Variants in TECR observed in about 807,000 individuals in gnomAD.
The protein encoded by TECR is trans-2,3-enoyl-CoA reductase.
A neutral mutation model predicts 50.6 loss-of-function variants in TECR; 19 were observed. The ratio of observed to expected loss-of-function variants is 0.38; its 90% CI spans 0.26 to 0.55. The LOEUF (loss-of-function observed/expected upper bound fraction) is 0.55. TECR is among the 20% of genes least tolerant of loss of function. The probability of loss-of-function intolerance (pLI) is 0.79; values close to 1 mark genes in which losing one functional copy is unlikely to be tolerated. For missense variants in TECR, 313 were observed against 408.3 expected (o/e 0.77, Z 2.01); for synonymous variants, 168 against 163.5 (o/e 1.03, Z -0.21).
intron 1 of TECR, among the ~76,000 whole-genome samples, chr19:14,554,904 G>C (rs1568419452): frequency 6.6e-6 from 1 of 151,818 alleles, no homozygotes; most frequent in Non-Finnish European, 1.5e-5. Context: ...TCAGCCTCCT[G>C]AGTAGCTGGG....
At chr19:14,542,206 C>T (rs2073117135) in intron 1 of TECR, among the ~76,000 whole-genome samples, 3 of 152,186 alleles carry the variant, frequency 2.0e-5, no homozygotes, top group Admixed American at 6.6e-5. Flanking sequence ...CTCAAGTGAT[C>T]CTCCTGCCTT....
chr19:14,556,254 G>A (rs2073717579), intron 1 of TECR, among the ~76,000 whole-genome samples: 1 of 152,046 alleles, frequency 6.6e-6, no homozygotes, highest in Non-Finnish European at 1.5e-5. Context: ...TGCCTGGACT[G>A]CACTGGTTCC....
rs146268725 is a variant in TECR at position 14,554,378 on chromosome 19, C to T, written c.16-8147C>T. On this transcript the variant is annotated intron_variant, in intron 1 of 12. Coordinates refer to ENST00000215567, the MANE Select transcript of TECR (RefSeq NM_138501.6). Reference sequence around the variant, plus strand: ...TGGGAGATGAGGCCGGCCCAGAATCCAAGCTTCCCGCTCTGGCCCGGGTCT... The same window carrying T: ...TGGGAGATGAGGCCGGCCCAGAATCTAAGCTTCCCGCTCTGGCCCGGGTCT... 8.4e-3 allele frequency among the ~76,000 whole-genome samples: 1,273 copies of T among 152,300 alleles called. 14 individuals carry two copies. Among genetic ancestry groups the T allele is most frequent in the Non-Finnish European group, 0.015 (994 of 68,028 alleles).
chr19:14,539,285 C>T (rs2073016932), intron 1 of TECR, among the ~76,000 whole-genome samples: 1 of 151,730 alleles, frequency 6.6e-6, no homozygotes, highest in African/African-American at 2.4e-5. Context: ...TGAGCCACCA[C>T]ACCTGGCTGC....
intron 1 of TECR, among the ~76,000 whole-genome samples, chr19:14,557,114 C>CTTACTTATTTAT (rs2073753948): frequency 7.1e-6 from 1 of 140,384 alleles, no homozygotes; most frequent in Non-Finnish European, 1.5e-5. Flanking sequence ...TTGGTCTAAT[C>CTTACTTATTTAT]TTATTTATTT....
chr19:14,556,412 A>AC (rs201177684), intron 1 of TECR, among the ~76,000 whole-genome samples: 4,941 of 138,534 alleles, frequency 0.036, 160 homozygotes, highest in African/African-American at 0.089. Context: ...CTCTCTCAAA[A>AC]AAAAAACAAA....
Position 14,563,316 on chromosome 19 carries a change from T to G in TECR, c.118+59T>G, listed in dbSNP as rs925995105. On this transcript the variant is annotated intron_variant, in intron 3 of 12. Transcript: ENST00000215567. The surrounding 1 kb of genome is among the most constrained non-coding windows in gnomAD (Gnocchi z 5.3). ...ACCCCTTTGACCAGGGACCTTAGGG[T>G]GGGAGGGATCCCATCCTGCACCCCT... 9.4e-6 allele frequency: 14 copies of G among 1,487,112 alleles called. No homozygotes were observed. The highest frequency in any genetic ancestry group is 1.6e-5 in the African/African-American group (1 of 64,172). 92.1% of individuals were successfully genotyped at this position (1,487,112 alleles called of 1,614,324 possible).
intron 1 of TECR, chr19:14,529,928 G>T: frequency 1.5e-6 from 1 of 673,276 alleles, no homozygotes; most frequent in South Asian, 1.9e-5. Flanking sequence ...GCTGTTTTGG[G>T]GGTACTTTTT....
chr19:14,535,533 A>AT (rs2072842291), intron 1 of TECR, among the ~76,000 whole-genome samples: 3 of 62,036 alleles, frequency 4.8e-5, no homozygotes, highest in African/African-American at 2.4e-4. Flanking sequence ...AAAAAAAAAA[A>AT]AAAAAAAAAA....
intron 1 of TECR, among the ~76,000 whole-genome samples, chr19:14,551,944 TCC>T (rs1491430389): frequency 7.6e-5 from 3 of 39,716 alleles, no homozygotes; most frequent in African/African-American, 3.8e-4. Flanking sequence ...TCTCCCTCCC[TCC>T]CTCTCTCTCT....
rs765812213 is a variant in TECR, at chr19:14,563,242, C to G, written c.103C>G (p.Leu35Val). The G allele has an allele frequency of 4.3e-6, 7 of 1,613,898 alleles. No individual in the cohort carries two copies. The highest frequency in any genetic ancestry group is 5.9e-6 in the Non-Finnish European group (7 of 1,179,926). The change falls in exon 3 of 13, where the codon CTC (leucine) becomes GTC (valine). Residue 35 changes from leucine (L) to valine (V), a missense_variant. Physicochemically the swap from Leu to Val is conservative, Grantham distance 32. Transcript: ENST00000215567. This position sits in a 1 kb window ranked among gnomAD's most constrained non-coding sequence, Gnocchi z 5.3. Reference sequence around the variant, plus strand: ...CGCCACCATTGCGGAGATCAAGAACCTCTTCACTAAGACCCGTGAGTTCTA... The same window carrying G: ...CGCCACCATTGCGGAGATCAAGAACGTCTTCACTAAGACCCGTGAGTTCTA... ...PHATIAEIKNLFTKTHPQWYP... is the reference protein window; with the variant it reads ...PHATIAEIKNVFTKTHPQWYP...
intron 1 of TECR, among the ~76,000 whole-genome samples, chr19:14,547,128 T>G (rs898854444): frequency 2.0e-5 from 3 of 152,176 alleles, no homozygotes; most frequent in African/African-American, 7.2e-5. Flanking sequence ...AGAGCCAATG[T>G]TAAAGAGCTT....
chr19:14,558,476 C>G (rs535367874), intron 1 of TECR, among the ~76,000 whole-genome samples: 1 of 152,284 alleles, frequency 6.6e-6, no homozygotes, highest in Admixed American at 6.5e-5. Flanking sequence ...TGACCTCGTG[C>G]TGCGACGAGT....
Position 14,565,284 on chromosome 19 carries a change from C to T in TECR, c.747C>T (p.Thr249=). The change falls in exon 11 of 13, where the codon ACC becomes ACT. Residue 249 remains threonine, a synonymous_variant. Coordinates refer to ENST00000215567, the MANE Select transcript of TECR (RefSeq NM_138501.6). The part of the protein sequence containing the change: ...LFLLVSCPNY[T]YEVGSWIGFA... The stretch of plus-strand genomic sequence containing the variant: ...TGCTGGTGTCCTGCCCCAACTACAC[C>T]TACGAGGTGAGGGGCTGCCTTACCC... 12 of 1,613,254 alleles carry T rather than the reference C, an allele frequency of 7.4e-6. No homozygotes were observed. Among genetic ancestry groups the T allele is most frequent in the South Asian group, 1.1e-5 (1 of 91,048 alleles).
chr19:14,553,754 G>A (rs1419878480), intron 1 of TECR, among the ~76,000 whole-genome samples: 1 of 152,120 alleles, frequency 6.6e-6, no homozygotes, highest in African/African-American at 2.4e-5. Flanking sequence ...GGGCATGATC[G>A]GGCCAGGCCT....
intron 1 of TECR, chr19:14,561,957 C>T (rs940768671): frequency 1.2e-4 from 25 of 200,526 alleles, no homozygotes; most frequent in Non-Finnish European, 2.3e-4. Context: ...TCACTCTCCT[C>T]TAGCCACTGG....
At chr19:14,555,778 G>A (rs1012549428) in intron 1 of TECR, among the ~76,000 whole-genome samples, 3 of 152,166 alleles carry the variant, frequency 2.0e-5, no homozygotes, top group Non-Finnish European at 4.4e-5. Flanking sequence ...TGGAGGCAGA[G>A]CCTTGCTATT....
rs753318462 is a variant in TECR at position 14,562,603 on chromosome 19, G to C, written c.66+28G>C. On this transcript the variant is annotated intron_variant, in intron 2 of 12. Coordinates refer to ENST00000215567, the MANE Select transcript of TECR (RefSeq NM_138501.6). ...AGGACTGGGGCGTGGGCTGCACTGG[G>C]CCAAGGGCACTGGGCCCGGGACCCC... is the stretch of plus-strand genomic sequence containing the variant. The C allele has an allele frequency of 2.8e-5, 45 of 1,613,666 alleles. No homozygotes were observed. The East Asian group carries it at 9.8e-4, about 35-fold the overall frequency.
chr19:14,562,548 A>G lies in TECR; in HGVS notation c.39A>G (p.Thr13=), dbSNP rs992538523. ...AGGTGGAGATTCTGGACGCAAAGAC[A>G]AGGGAGAAGCTGTGTTTCTTGGACA... The part of the protein sequence containing the change: ...HYEVEILDAK[T]REKLCFLDKV... The change falls in exon 2 of 13, where the codon ACA becomes ACG. Residue 13 remains threonine (T), a synonymous_variant. Coordinates refer to ENST00000215567, the MANE Select transcript of TECR (RefSeq NM_138501.6). The G allele has an allele frequency of 1.1e-5, 18 of 1,614,086 alleles. No homozygotes were observed. The African/African-American group carries it at 2.1e-4, about 19-fold the overall frequency.
Sources: allele counts gnomAD v4.1 joint callset (sites outside exome capture counted in the v4.1 genomes callset), GRCh38; gene constraint gnomAD v4.1.1; non-coding constraint Gnocchi (gnomAD v3.1); transcripts MANE v1.5; gene names NCBI Gene and HGNC (gene_info 2026-07-23, HGNC 2026-07-21).